Variants in UGT8 observed in about 807,000 individuals in gnomAD.
The protein encoded by UGT8 is 2-hydroxyacylsphingosine 1-beta-galactosyltransferase.
UGT8 carries 12 observed loss-of-function variants against 40.5 expected under a neutral mutation model. The ratio of observed to expected loss-of-function variants is 0.30; its 90% CI spans 0.19 to 0.48. The LOEUF is 0.48. Among genes scored for constraint, UGT8 ranks in the 20% least tolerant of loss-of-function variants. The pLI, the probability that UGT8 is intolerant of heterozygous loss-of-function variation, is 0.99. For missense variants in UGT8, 513 were observed against 648.7 expected (o/e 0.79, Z 2.27); for synonymous variants, 224 against 240.4 (o/e 0.93, Z 0.63).
intron 4 of UGT8, among the ~76,000 whole-genome samples, chr4:114,666,649 T>G (rs1326793903): frequency 6.6e-6 from 1 of 152,192 alleles, no homozygotes; most frequent in Non-Finnish European, 1.5e-5. Context: ...CTATCAACTA[T>G]TTCAGTGCGA....
At position 114,677,066 on chromosome 4, in the gene UGT8, G is replaced by GT. The variant is rs974927913; in HGVS notation, c.*784dup. On this transcript the variant is annotated 3_prime_UTR_variant, in exon 6 of 6. Transcript: ENST00000310836. ...AATTTTCCTCTGGAAGAATTTTATAGTTTTTTCTATTTCATTTTAATGAGT... is the reference window on the plus strand; with the variant it reads ...AATTTTCCTCTGGAAGAATTTTATAGTTTTTTTCTATTTCATTTTAATGAGT... 5 of 151,986 alleles carry GT rather than the reference G, an allele frequency of 3.3e-5. No individual in the cohort carries two copies. Among genetic ancestry groups the GT allele is most frequent in the East Asian group, 1.9e-4 (1 of 5,184 alleles). The allele number at this position is 151,986 out of a possible 1,614,324, so 9.4% of individuals were successfully genotyped here.
At chr4:114,674,071 T>C (rs1735467017) in intron 5 of UGT8, among the ~76,000 whole-genome samples, 1 of 152,224 alleles carries the variant, frequency 6.6e-6, no homozygotes, top group Non-Finnish European at 1.5e-5. Flanking sequence ...TTTTGCATAA[T>C]TGTTAAAACT....
rs190240000 is a variant in UGT8, at chr4:114,663,799, G to A, written c.823-196G>A. 247 of 985,126 alleles carry A rather than the reference G, an allele frequency of 2.5e-4. No homozygotes were observed. In the Admixed American group the frequency reaches 2.5e-3, roughly 10 times the overall value. The allele number at this position is 985,126 out of a possible 1,614,324, so 61.0% of individuals were successfully genotyped here. On this transcript the variant is annotated intron_variant, in intron 2 of 5. Coordinates refer to ENST00000310836, the MANE Select transcript of UGT8 (RefSeq NM_001128174.3). ...ACAGATCTTACCAAATAAACCACATGTCCTCATTTCAGTTAGCATTATCAG... is the reference window on the plus strand; with the variant it reads ...ACAGATCTTACCAAATAAACCACATATCCTCATTTCAGTTAGCATTATCAG...
chr4:114,636,434 G>C (rs1363211698), intron 2 of UGT8, among the ~76,000 whole-genome samples: 18 of 152,312 alleles, frequency 1.2e-4, no homozygotes, highest in Admixed American at 1.2e-3. Context: ...AGCATACCCA[G>C]TGGAGTTGAT....
intron 3 of UGT8, 200 bp from the exon 4 acceptor site, chr4:114,665,480 T>A (rs192529425): frequency 2.1e-5 from 21 of 984,026 alleles, no homozygotes; most frequent in Non-Finnish European, 9.7e-6. Context: ...TTATTTCTTG[T>A]TTTTCCTCCA....
chr4:114,652,394 G>A (rs915049442), intron 2 of UGT8, among the ~76,000 whole-genome samples: 3 of 150,436 alleles, frequency 2.0e-5, no homozygotes, highest in Non-Finnish European at 4.4e-5. Context: ...TTTCTCATGG[G>A]TATTTTTTTT....
rs1730264343 is a variant in UGT8 at position 114,598,991 on chromosome 4, C to G, written c.-3+17C>G. 6.6e-6 allele frequency: 1 copy of G among 151,030 alleles called. No individual in the cohort carries two copies. Among genetic ancestry groups the G allele is most frequent in the Admixed American group, 6.6e-5 (1 of 15,100 alleles). 9.4% of individuals were successfully genotyped at this position (151,030 alleles called of 1,614,324 possible). On this transcript the variant is annotated intron_variant, in intron 1 of 5. Transcript: ENST00000310836. ...AGAGACGAGGTGAGCGGAGGGACCA[C>G]GCCGTTCCAGAGGGCGGAAGGGGGG... is the stretch of plus-strand genomic sequence containing the variant.
rs1376068578 is a variant in UGT8, at chr4:114,665,759, A to G, written c.1042+3A>G. 1 of 1,606,424 alleles carries G rather than the reference A, an allele frequency of 6.2e-7. No homozygotes were observed. The highest frequency in any genetic ancestry group is 2.2e-5 in the East Asian group (1 of 44,678). ...GTTACCACAAAATGACCTGCTTGGT[A>G]AGTCAATGATGTGTGGTTACTTACT... is the stretch of plus-strand genomic sequence containing the variant. On this transcript the variant is annotated splice_donor_region_variant and intron_variant, in intron 4 of 5. Coordinates refer to ENST00000310836, the MANE Select transcript of UGT8 (RefSeq NM_001128174.3).
At chr4:114,672,234 G>A (rs1038179366) in intron 5 of UGT8, among the ~76,000 whole-genome samples, 20 of 152,194 alleles carry the variant, frequency 1.3e-4, no homozygotes, top group Non-Finnish European at 2.1e-4. Flanking sequence ...ATGTAAATTA[G>A]TTTAGCCATT....
At chr4:114,616,292 G>T (rs182532532) in intron 1 of UGT8, among the ~76,000 whole-genome samples, 1 of 152,084 alleles carries the variant, frequency 6.6e-6, no homozygotes, top group Non-Finnish European at 1.5e-5. Flanking sequence ...CTCAAGCCTC[G>T]GCAGTGGCGG....
In UGT8 at chr4:114,622,962, C is replaced by T. The variant is rs1174282310; in HGVS notation, c.82C>T (p.Pro28Ser). ...GGCTGCCAAAATCATCATCGTGCCG[C>T]CAATTATGTTTGAAAGCCATATGTA... ...AKAAKIIIVP[P>S]IMFESHMYIF... The change falls in exon 2 of 6, where the codon CCA becomes TCA. Residue 28 changes from proline (P) to serine (S), a missense_variant. Physicochemically the swap from Pro to Ser is moderately conservative, Grantham distance 74. This residue lies in a region of UGT8 where 335 missense variants were observed against 444.8 expected (regional missense o/e 0.75). Transcript: ENST00000310836. 6.2e-7 allele frequency: 1 copy of T among 1,613,932 alleles called. No individual in the cohort carries two copies.
intron 5 of UGT8, 125 bp downstream of exon 5, chr4:114,668,429 G>C (rs1735029226): frequency 1.2e-6 from 1 of 846,174 alleles, no homozygotes; most frequent in Non-Finnish European, 1.8e-6. Flanking sequence ...AGATTCCTGT[G>C]ATAATGCTTT....
At chr4:114,649,811 TA>T (rs5861188) in intron 2 of UGT8, among the ~76,000 whole-genome samples, 1 of 151,406 alleles carries the variant, frequency 6.6e-6, no homozygotes, top group Non-Finnish European at 1.5e-5. Context: ...TTTCTTATTT[TA>T]AAAAAAAACC....
rs768800801 is a variant in UGT8 at position 114,623,617 on chromosome 4, T to G, written c.737T>G (p.Val246Gly). ...GSSLWMLCTD[V>G]ALEFPRPTLP... ...AGCCTGTGGATGCTGTGTACTGACG[T>G]AGCACTGGAATTCCCAAGACCCACT... is the stretch of plus-strand genomic sequence containing the variant. Residue 246 changes from valine to glycine, a missense_variant, in exon 2 of 6, where the codon GTA (valine) becomes GGA (glycine). By Grantham distance (109) the Val-to-Gly change is moderately radical. Coordinates refer to ENST00000310836, the MANE Select transcript of UGT8 (RefSeq NM_001128174.3). 2.5e-6 allele frequency: 4 copies of G among 1,613,980 alleles called. No individual in the cohort carries two copies. In the African/African-American group the frequency reaches 5.3e-5, roughly 22 times the overall value.
intron 5 of UGT8, among the ~76,000 whole-genome samples, chr4:114,670,834 GAAAT>G (rs1735220684): frequency 6.6e-6 from 1 of 152,130 alleles, no homozygotes; most frequent in Admixed American, 6.5e-5. Context: ...GCAAGAGAAA[GAAAT>G]AAAGGGTATT....
chr4:114,617,220 C>T (rs939647243), intron 1 of UGT8, among the ~76,000 whole-genome samples: 1 of 152,220 alleles, frequency 6.6e-6, no homozygotes, highest in Non-Finnish European at 1.5e-5. Context: ...TGCCATTGCA[C>T]TCTAGCCTGA....
rs1731738156 is a variant in UGT8, at chr4:114,620,810, T to G, written c.-2-2069T>G. On this transcript the variant is annotated intron_variant, in intron 1 of 5. Transcript: ENST00000310836. ...TGATTTCTTTACATTGCTTGTAGTG[T>G]TTGAATGTTTAGAAGGTATAGTTGT... Among the ~76,000 whole-genome samples the G allele has an allele frequency of 2.6e-5, 4 of 152,284 alleles. No individual in the cohort carries two copies. The South Asian group carries it at 8.3e-4, about 32-fold the overall frequency.
chr4:114,621,840 A>G (rs530963372), intron 1 of UGT8, among the ~76,000 whole-genome samples: 14 of 152,360 alleles, frequency 9.2e-5, no homozygotes, highest in East Asian at 1.9e-4. Context: ...TTTCAATTCT[A>G]TACTTAAACA....
intron 2 of UGT8, among the ~76,000 whole-genome samples, chr4:114,660,845 C>T (rs925399539): frequency 4.0e-5 from 6 of 150,036 alleles, no homozygotes; most frequent in Admixed American, 2.0e-4. Context: ...AAGCCGAGAT[C>T]GCACCACTGC....
Sources: gnomAD v4.1 joint callset for allele counts (sites outside exome capture counted in the v4.1 genomes callset) on GRCh38, gnomAD v4.1.1 for gene constraint, gnomAD v4.1.1 regional missense constraint, MANE v1.5 for transcripts, NCBI Gene and HGNC (gene_info 2026-07-23, HGNC 2026-07-21) for gene names.